The following KIT variants were observed in gnomAD, a reference collection of about 807,000 sequenced individuals.
KIT encodes mast/stem cell growth factor receptor Kit.
A neutral mutation model predicts 105.7 loss-of-function variants in KIT; 16 were observed. That is an observed-to-expected ratio of 0.15 (90% CI 0.10 to 0.23). KIT has a LOEUF of 0.23. KIT is among the 10% of genes least tolerant of loss of function. The probability of loss-of-function intolerance (pLI) is 1.00; values close to 1 mark genes in which losing one functional copy is unlikely to be tolerated. For missense variants in KIT, 858 were observed against 1,213.8 expected, an observed-to-expected ratio of 0.71 and a Z score of 4.36; for synonymous variants, 438 against 441.1, an observed-to-expected ratio of 0.99 and a Z score of 0.09.
rs988120776 is a variant in KIT at position 54,707,231 on chromosome 4, A to G, written c.1059A>G (p.Arg353=). 2.5e-6 allele frequency: 4 copies of G among 1,612,868 alleles called. No homozygotes were observed. Among genetic ancestry groups the G allele is most frequent in the Middle Eastern group, 1.7e-4 (1 of 6,060 alleles). ...ACCAGCAGTGGATCTATATGAACAGAACCTTCACTGATAAATGGGAAGATT... is the reference window on the plus strand; with the variant it reads ...ACCAGCAGTGGATCTATATGAACAGGACCTTCACTGATAAATGGGAAGATT... ...PEHQQWIYMN[R]TFTDKWEDYP... Residue 353 remains arginine (R), a synonymous_variant, in exon 6 of 21, where the codon AGA becomes AGG. Transcript: ENST00000288135.
intron 13 of KIT, among the ~76,000 whole-genome samples, chr4:54,728,635 G>T (rs1206950499): frequency 2.0e-5 from 3 of 152,162 alleles, no homozygotes; most frequent in Non-Finnish European, 4.4e-5. Flanking sequence ...TCAGTTGAAA[G>T]AAACAAAGAT....
chr4:54,707,656 C>G (rs1456543580), intron 6 of KIT, among the ~76,000 whole-genome samples: 1 of 152,190 alleles, frequency 6.6e-6, no homozygotes, highest in Non-Finnish European at 1.5e-5. Flanking sequence ...TGTAAGAAAA[C>G]TAAGAGCCAA....
chr4:54,697,992 A>G (rs1720186664), intron 2 of KIT, among the ~76,000 whole-genome samples: 1 of 152,188 alleles, frequency 6.6e-6, no homozygotes, highest in African/African-American at 2.4e-5. Context: ...ATGACACCGC[A>G]GTTTCATCTA....
At chr4:54,665,187 G>T (rs933231779) in intron 1 of KIT, among the ~76,000 whole-genome samples, 3 of 151,956 alleles carry the variant, frequency 2.0e-5, no homozygotes. Context: ...ACATCCTCAA[G>T]GTTCACCCCT....
chr4:54,728,494 G>A (rs1489502832), intron 13 of KIT, among the ~76,000 whole-genome samples: 2 of 152,102 alleles, frequency 1.3e-5, no homozygotes, highest in Non-Finnish European at 2.9e-5. Context: ...TAAAACAGGC[G>A]CCTAAGCCTA....
chr4:54,667,573 T>C (rs975041270), intron 1 of KIT, among the ~76,000 whole-genome samples: 1 of 152,120 alleles, frequency 6.6e-6, no homozygotes, highest in Non-Finnish European at 1.5e-5. Context: ...TGGAATTTGG[T>C]CAAGATGTGA....
chr4:54,727,158 G>T (rs2109773129), intron 9 of KIT, 60 bp from the exon 10 acceptor site: 1 of 1,419,232 alleles, frequency 7.0e-7, no homozygotes. Context: ...GGACTGAGTG[G>T]CTGTGGTAGA....
At chr4:54,734,697 T>G (rs1255710667) in intron 17 of KIT, among the ~76,000 whole-genome samples, 1 of 152,182 alleles carries the variant, frequency 6.6e-6, no homozygotes, top group Non-Finnish European at 1.5e-5. Flanking sequence ...CACATTTTTG[T>G]CATCATCATT....
chr4:54,676,524 C>T (rs536676686), intron 1 of KIT, among the ~76,000 whole-genome samples: 2 of 152,306 alleles, frequency 1.3e-5, no homozygotes, highest in East Asian at 1.9e-4. Flanking sequence ...TTAGTCCAGA[C>T]AGGAAAACAG....
At chr4:54,699,368 TG>T (rs1720299513) in intron 3 of KIT, among the ~76,000 whole-genome samples, 1 of 152,064 alleles carries the variant, frequency 6.6e-6, no homozygotes, top group Non-Finnish European at 1.5e-5. Context: ...GGCTTCTACT[TG>T]GTTTGGAAAA....
At chr4:54,716,573 T>C (rs1019936554) in intron 7 of KIT, among the ~76,000 whole-genome samples, 151 of 152,294 alleles carry the variant, frequency 9.9e-4, no homozygotes, top group Admixed American at 9.7e-3. Flanking sequence ...TTTTTGGTGC[T>C]GCACAACAAA....
intron 17 of KIT, among the ~76,000 whole-genome samples, chr4:54,735,900 T>A (rs1429133083): frequency 6.6e-6 from 1 of 152,018 alleles, no homozygotes; most frequent in African/African-American, 2.4e-5. Context: ...GTAACCCCCA[T>A]GTCCATGGTC....
chr4:54,718,732 G>T (rs1464616264), intron 7 of KIT, among the ~76,000 whole-genome samples: 1 of 152,096 alleles, frequency 6.6e-6, no homozygotes, highest in Admixed American at 6.6e-5. Context: ...GACAGTCACT[G>T]TTAAAATAAA....
chr4:54,680,287 T>C (rs902647338), intron 1 of KIT, among the ~76,000 whole-genome samples: 11 of 149,712 alleles, frequency 7.3e-5, no homozygotes, highest in Admixed American at 4.7e-4. Flanking sequence ...CTCTCACTTA[T>C]CTGTGTTTCA....
At position 54,699,734 on chromosome 4, in the gene KIT, G is replaced by A. The variant is rs1553887944; in HGVS notation, c.724G>A (p.Val242Met). 3.7e-6 allele frequency: 6 copies of A among 1,613,944 alleles called. No individual in the cohort carries two copies. The highest frequency in any genetic ancestry group is 5.1e-6 in the Non-Finnish European group (6 of 1,179,882). Residue 242 changes from valine (V) to methionine (M), a missense_variant, in exon 4 of 21, where the codon GTG becomes ATG. By Grantham distance (21) the Val-to-Met change is conservative. Transcript: ENST00000288135. ...TCTIKDVSSSVYSTWKRENSQ... is the reference protein window; with the variant it reads ...TCTIKDVSSSMYSTWKRENSQ... The stretch of plus-strand genomic sequence containing the variant: ...CACAATAAAAGATGTGTCTAGTTCT[G>A]TGTACTCAACGTGGAAAAGAGAAAA...
intron 1 of KIT, among the ~76,000 whole-genome samples, chr4:54,673,648 ATTG>A (rs1718269580): frequency 6.6e-6 from 1 of 152,056 alleles, no homozygotes. Flanking sequence ...GCGTGATTTT[ATTG>A]TTTACACGAT....
intron 5 of KIT, among the ~76,000 whole-genome samples, chr4:54,705,906 G>A (rs1175681935): frequency 6.6e-6 from 1 of 152,124 alleles, no homozygotes; most frequent in Non-Finnish European, 1.5e-5. Flanking sequence ...AAAAGATTAA[G>A]TGTCACAATT....
intron 8 of KIT, among the ~76,000 whole-genome samples, chr4:54,725,653 C>T (rs566636012): frequency 5.9e-4 from 90 of 152,240 alleles, no homozygotes; most frequent in African/African-American, 1.9e-3. Context: ...CATCTGACTC[C>T]GAAGCCTCCT....
intron 9 of KIT, 76 bp from the exon 10 acceptor site, chr4:54,727,142 A>G: frequency 3.3e-6 from 4 of 1,217,230 alleles, no homozygotes; most frequent in Non-Finnish European, 4.9e-6. Context: ...AGGTGGGGTC[A>G]GTTTGGGACT....
Sources: gnomAD v4.1 joint callset for allele counts (sites outside exome capture counted in the v4.1 genomes callset) on GRCh38, gnomAD v4.1.1 for gene constraint, MANE v1.5 for transcripts, NCBI Gene and HGNC (gene_info 2026-07-23, HGNC 2026-07-21) for gene names.